ZDHHC23: variants seen among roughly 807,000 people sequenced by gnomAD.
ZDHHC23 encodes the protein zDHHC palmitoyltransferase 23.
In ZDHHC23, 41 loss-of-function variants were observed where a neutral mutation model predicts 40.2. The ratio of observed to expected loss-of-function variants is 1.02; its 90% confidence interval spans 0.79 to 1.32. The LOEUF (loss-of-function observed/expected upper bound fraction) is 1.32. Among genes scored for constraint, ZDHHC23 ranks in the 40% most tolerant of loss-of-function variants. The probability of loss-of-function intolerance (pLI) is 0.00; values close to 1 mark genes in which losing one functional copy is unlikely to be tolerated. For synonymous variants in ZDHHC23, 204 were observed against 210.2 expected (o/e 0.97, Z 0.26); for missense variants, 471 against 541.5 (o/e 0.87, Z 1.29).
the ZDHHC23 span, among the ~76,000 whole-genome samples, chr3:113,972,225 T>G: frequency 6.6e-6 from 1 of 152,150 alleles, no homozygotes; most frequent in Admixed American, 6.5e-5. Context: ...AACTTCTCTC[T>G]TAAAAGAAGT....
At chr3:113,964,922 G>C (rs1011261449), downstream of ZDHHC23, 1 of 346,888 alleles carries the variant, frequency 2.9e-6, no homozygotes, top group African/African-American at 2.1e-5. Flanking sequence ...TTGAACAGAC[G>C]ATCTCTAGAA....
the ZDHHC23 span, among the ~76,000 whole-genome samples, chr3:113,976,110 T>C: frequency 1.3e-5 from 2 of 152,008 alleles, no homozygotes; most frequent in South Asian, 4.1e-4. Flanking sequence ...AATACAAAAA[T>C]TAGCTGGGCA....
upstream of ZDHHC23, chr3:113,947,902 G>A (rs1057494367): frequency 1.4e-5 from 2 of 147,880 alleles, no homozygotes; most frequent in African/African-American, 2.4e-5. Context: ...GCCGGGGGCG[G>A]GGCACCCGGA....
At chr3:113,948,988 C>G (rs969364269) in intron 2 of ZDHHC23, 25 bp downstream of exon 2, 43 of 1,613,028 alleles carry the variant, frequency 2.7e-5, no homozygotes, top group Non-Finnish European at 3.6e-5. Context: ...TTTCTTGACG[C>G]TGGCCCCATC....
the ZDHHC23 span, among the ~76,000 whole-genome samples, chr3:113,979,340 T>C: frequency 1.3e-5 from 2 of 152,222 alleles, no homozygotes; most frequent in African/African-American, 4.8e-5. Flanking sequence ...CAATTTGCTC[T>C]CCTGGAGCTT....
At position 113,954,134 on chromosome 3, in the gene ZDHHC23, C is replaced by T; in HGVS notation, c.596C>T (p.Ala199Val). 6.2e-7 allele frequency: 1 copy of T among 1,614,232 alleles called. No homozygotes were observed. The highest frequency in any genetic ancestry group is 8.5e-7 in the Non-Finnish European group (1 of 1,180,044). ...KKNPGYLSNPASGDRSLSSSQ... is the reference protein window; with the variant it reads ...KKNPGYLSNPVSGDRSLSSSQ... Reference sequence around the variant, plus strand: ...AATCCAGGCTACCTCAGCAATCCAGCAAGCGGTGACAGATCTCTAAGCAGC... The same window carrying T: ...AATCCAGGCTACCTCAGCAATCCAGTAAGCGGTGACAGATCTCTAAGCAGC... Residue 199 changes from alanine to valine, a missense_variant, in exon 3 of 5, where the codon GCA (alanine) becomes GTA (valine). Physicochemically the swap from Ala to Val is moderately conservative, Grantham distance 64. Transcript: ENST00000638807.
chr3:113,954,190 CAGG>C lies in ZDHHC23; in HGVS notation c.655_657del (p.Glu219del), dbSNP rs1445520428. On this transcript the variant is annotated inframe_deletion, in exon 3 of 5. Transcript: ENST00000638807. ...GCTGGAGTGCCTGAGCAGAAAAGGG[CAGG>C]AGAAGACCAAAGGGTTCCCTGGGGC... The C allele has an allele frequency of 4.3e-6, 7 of 1,614,072 alleles. No homozygotes were observed. The Admixed American group carries it at 5.0e-5, about 12-fold the overall frequency.
the ZDHHC23 span, among the ~76,000 whole-genome samples, chr3:113,972,480 T>A: frequency 6.6e-6 from 1 of 152,134 alleles, no homozygotes; most frequent in Non-Finnish European, 1.5e-5. Flanking sequence ...TGAGAGTTGT[T>A]TTGTGGCCTA....
At chr3:113,966,542 G>C (rs1245026972), downstream of ZDHHC23, among the ~76,000 whole-genome samples, 1 of 152,186 alleles carries the variant, frequency 6.6e-6, no homozygotes, top group Admixed American at 6.5e-5. Context: ...GCAAAGAAAA[G>C]GCTTTCCTAG....
At position 113,961,155 on chromosome 3, in the gene ZDHHC23, G is replaced by GT. The variant is rs1939651844; in HGVS notation, c.*2526dup. ...GGTGGCGGCAGTGGAGGATTGCCCG[G>GT]TGAACCTATAAATCAGCAGTCTCTT... On this transcript the variant is annotated 3_prime_UTR_variant, in exon 5 of 5. Transcript: ENST00000638807. 6.0e-6 allele frequency: 1 copy of GT among 166,354 alleles called. No homozygotes were observed. Among genetic ancestry groups the GT allele is most frequent in the African/African-American group, 2.4e-5 (1 of 41,996 alleles). 10.3% of individuals were successfully genotyped at this position (166,354 alleles called of 1,614,324 possible). A position where few individuals can be genotyped will look rare whatever the true frequency, so the allele number is the denominator to read the frequency against.
intron 2 of ZDHHC23, among the ~76,000 whole-genome samples, chr3:113,950,913 G>A (rs1173105840): frequency 2.0e-5 from 3 of 152,218 alleles, no homozygotes; most frequent in Non-Finnish European, 4.4e-5. Flanking sequence ...AGAAAGGAGT[G>A]TTACTGACAG....
In ZDHHC23 at chr3:113,960,422, A is replaced by G; in HGVS notation, c.*1792A>G. 1 of 1,286,104 alleles carries G rather than the reference A, an allele frequency of 7.8e-7. No individual in the cohort carries two copies. Among genetic ancestry groups the G allele is most frequent in the Non-Finnish European group, 9.8e-7 (1 of 1,019,386 alleles). The allele number at this position is 1,286,104 out of a possible 1,614,324, so 79.7% of individuals were successfully genotyped here. A position where few individuals can be genotyped will look rare whatever the true frequency, so the allele number is the denominator to read the frequency against. On this transcript the variant is annotated 3_prime_UTR_variant, in exon 5 of 5. Coordinates refer to ENST00000638807, the MANE Select transcript of ZDHHC23 (RefSeq NM_001320466.2). ...AATTAAAGTTGGATTTGATATAACA[A>G]ATTTCTTTCTATACAGGTTTTACAT...
intron 4 of ZDHHC23, chr3:113,957,446 A>G (rs1418388586): frequency 3.4e-5 from 12 of 353,616 alleles, no homozygotes; most frequent in Non-Finnish European, 4.4e-5. Context: ...TGTGGAGAGT[A>G]TCTCCAGCAT....
chr3:113,970,662 C>T, the ZDHHC23 span, among the ~76,000 whole-genome samples: 1 of 152,138 alleles, frequency 6.6e-6, no homozygotes, highest in African/African-American at 2.4e-5. Flanking sequence ...TGGTGTGCTG[C>T]ACCCATTAAC....
chr3:113,978,065 CT>C, the ZDHHC23 span: 4 of 1,070,234 alleles, frequency 3.7e-6, no homozygotes, highest in Non-Finnish European at 5.5e-6. Context: ...CCACCCCTGA[CT>C]GGTGTTTCCC....
chr3:113,963,638 A>C (rs1162615238), downstream of ZDHHC23, among the ~76,000 whole-genome samples: 1 of 149,310 alleles, frequency 6.7e-6, no homozygotes, highest in Non-Finnish European at 1.5e-5. Context: ...TGAGAGGCTG[A>C]GGTGGGAGGA....
chr3:113,962,328 C>G lies in ZDHHC23; in HGVS notation c.*3698C>G, dbSNP rs722927. ...AGACAAGCATCCACGCTTCAGCTGG[C>G]ACTAAGTGTTTTCATTGTAGGATCA... On this transcript the variant is annotated 3_prime_UTR_variant, in exon 5 of 5. Coordinates refer to ENST00000638807, the MANE Select transcript of ZDHHC23 (RefSeq NM_001320466.2). The G allele has an allele frequency of 0.088, 13,330 of 152,222 alleles. 671 individuals carry two copies. Among genetic ancestry groups the G allele is most frequent in the East Asian group, 0.14 (709 of 5,174 alleles). The allele number at this position is 152,222 out of a possible 1,614,324, so 9.4% of individuals were successfully genotyped here.
At chr3:113,967,814 T>C (rs1180664266), downstream of ZDHHC23, among the ~76,000 whole-genome samples, 1 of 152,194 alleles carries the variant, frequency 6.6e-6, no homozygotes, top group African/African-American at 2.4e-5. Flanking sequence ...TTCCAGCCTC[T>C]GGTAACCACC....
At chr3:113,957,008 C>T (rs992651061) in intron 4 of ZDHHC23, among the ~76,000 whole-genome samples, 5 of 152,126 alleles carry the variant, frequency 3.3e-5, no homozygotes, top group Admixed American at 2.0e-4. Context: ...CTTGGTTTTT[C>T]CTGTTCTACT....
Sources: allele counts gnomAD v4.1 joint callset (sites outside exome capture counted in the v4.1 genomes callset), GRCh38; gene constraint gnomAD v4.1.1; transcripts MANE v1.5; gene names NCBI Gene and HGNC (gene_info 2026-07-23, HGNC 2026-07-21).